Variants in TAFA1 observed in about 807,000 individuals in gnomAD.
TAFA1 encodes the protein TAFA chemokine like family member 1.
TAFA1 carries 4 observed loss-of-function variants against 18.5 expected under a neutral mutation model. That is an observed-to-expected ratio of 0.22 (90% CI 0.11 to 0.49). The LOEUF (loss-of-function observed/expected upper bound fraction) is 0.49. Ranked by LOEUF, TAFA1 falls within the 20% of genes least tolerant of loss-of-function variation. TAFA1 has a pLI of 0.98. For synonymous variants in TAFA1, 56 were observed against 55.2 expected (o/e 1.01, Z -0.06); for missense variants, 147 against 169.0 (o/e 0.87, Z 0.72).
intron 3 of TAFA1, among the ~76,000 whole-genome samples, chr3:68,511,292 A>G (rs1442207552): frequency 1.3e-5 from 2 of 152,154 alleles, no homozygotes; most frequent in Non-Finnish European, 2.9e-5. Context: ...AACAGGTATG[A>G]AAACAAATGT....
chr3:68,476,063 C>G (rs2072089985), intron 3 of TAFA1, among the ~76,000 whole-genome samples: 1 of 152,034 alleles, frequency 6.6e-6, no homozygotes, highest in African/African-American at 2.4e-5. Flanking sequence ...GATATTAGCC[C>G]TTTGTCAGTT....
intron 2 of TAFA1, among the ~76,000 whole-genome samples, chr3:68,221,603 C>A (rs2066731677): frequency 6.6e-6 from 1 of 152,050 alleles, no homozygotes; most frequent in South Asian, 2.1e-4. Context: ...CAGATGGATA[C>A]ACTAGAACAA....
intron 3 of TAFA1, among the ~76,000 whole-genome samples, chr3:68,425,181 G>A (rs769320690): frequency 6.6e-6 from 1 of 151,874 alleles, no homozygotes; most frequent in African/African-American, 2.4e-5. Context: ...AATATTAAAC[G>A]TTTTTGGGGA....
intron 3 of TAFA1, among the ~76,000 whole-genome samples, chr3:68,470,115 C>T (rs533529891): frequency 1.3e-5 from 2 of 152,246 alleles, no homozygotes; most frequent in African/African-American, 4.8e-5. Context: ...GAATAAGTCT[C>T]ACAAAATATG....
chr3:68,343,468 G>A (rs1575792160), intron 2 of TAFA1, among the ~76,000 whole-genome samples: 1 of 152,190 alleles, frequency 6.6e-6, no homozygotes, highest in Admixed American at 6.5e-5. Flanking sequence ...ATGTATGATA[G>A]TAGTCTCTTC....
At chr3:68,110,958 C>G (rs933347338) in intron 2 of TAFA1, among the ~76,000 whole-genome samples, 2 of 152,146 alleles carry the variant, frequency 1.3e-5, no homozygotes, top group African/African-American at 4.8e-5. Flanking sequence ...GCAGACATCA[C>G]AAAGACTTCA....
intron 2 of TAFA1, among the ~76,000 whole-genome samples, chr3:68,142,914 A>AT (rs5849805): frequency 0.83 from 123,723 of 148,430 alleles, 51,458 homozygotes; most frequent in Admixed American, 0.87. Flanking sequence ...GGAAATCGTT[A>AT]TTTTTTTTTT....
intron 2 of TAFA1, among the ~76,000 whole-genome samples, chr3:68,067,988 G>C (rs2064703821): frequency 6.6e-6 from 1 of 152,100 alleles, no homozygotes; most frequent in Non-Finnish European, 1.5e-5. Context: ...AAAAGTTACT[G>C]TCGGCCTCCA....
chr3:68,079,062 T>G (rs1575604948), intron 2 of TAFA1, among the ~76,000 whole-genome samples: 1 of 152,244 alleles, frequency 6.6e-6, no homozygotes, highest in African/African-American at 2.4e-5. Context: ...GTCCAGGAAT[T>G]TATCCACTTC....
chr3:68,516,932 CCTAG>C (rs2072929973), intron 3 of TAFA1, among the ~76,000 whole-genome samples: 1 of 152,100 alleles, frequency 6.6e-6, no homozygotes, highest in African/African-American at 2.4e-5. Flanking sequence ...CGCCACCACA[CCTAG>C]CTAATTTTTG....
intron 2 of TAFA1, among the ~76,000 whole-genome samples, chr3:68,339,194 A>G (rs1373566974): frequency 6.6e-6 from 1 of 152,164 alleles, no homozygotes; most frequent in Non-Finnish European, 1.5e-5. Context: ...CACCATAGTC[A>G]CCCTTCCTTT....
At chr3:68,147,186 C>T (rs1181980679) in intron 2 of TAFA1, among the ~76,000 whole-genome samples, 1 of 151,978 alleles carries the variant, frequency 6.6e-6, no homozygotes, top group Admixed American at 6.6e-5. Context: ...GTTATGGAAA[C>T]TAAGTAATCC....
At chr3:68,433,511 C>T (rs1046108910) in intron 3 of TAFA1, among the ~76,000 whole-genome samples, 3 of 152,090 alleles carry the variant, frequency 2.0e-5, no homozygotes, top group African/African-American at 7.2e-5. Flanking sequence ...CATTTTAATA[C>T]TATCTTTATT....
chr3:68,540,303 C>G (rs944219750), intron 4 of TAFA1, among the ~76,000 whole-genome samples: 2 of 152,078 alleles, frequency 1.3e-5, no homozygotes, highest in Non-Finnish European at 2.9e-5. Flanking sequence ...TAACATGCAT[C>G]TGTCTGTGCC....
intron 2 of TAFA1, among the ~76,000 whole-genome samples, chr3:68,291,658 C>T (rs1258690484): frequency 1.3e-5 from 2 of 151,300 alleles, no homozygotes; most frequent in African/African-American, 4.9e-5. Flanking sequence ...TAAGGTAGTG[C>T]AGAATCAATA....
intron 2 of TAFA1, among the ~76,000 whole-genome samples, chr3:68,018,255 GTC>G (rs1704608948): frequency 6.6e-6 from 1 of 152,168 alleles, no homozygotes; most frequent in Non-Finnish European, 1.5e-5. Context: ...TGGAACACAA[GTC>G]AGCCAATTGT....
At chr3:68,013,918 C>T (rs976112536) in intron 2 of TAFA1, among the ~76,000 whole-genome samples, 2 of 152,138 alleles carry the variant, frequency 1.3e-5, no homozygotes, top group Admixed American at 6.5e-5. Flanking sequence ...CTTTCTTTAA[C>T]GCAGGGAAGG....
At chr3:68,286,214 A>C (rs2068001315) in intron 2 of TAFA1, among the ~76,000 whole-genome samples, 1 of 152,124 alleles carries the variant, frequency 6.6e-6, no homozygotes. Flanking sequence ...CATCTAAAAA[A>C]TAATAATAAT....
intron 2 of TAFA1, among the ~76,000 whole-genome samples, chr3:68,411,022 CT>C (rs1309992209): frequency 1.5e-4 from 23 of 152,274 alleles, no homozygotes; most frequent in African/African-American, 4.6e-4. Flanking sequence ...TAACTCTTCC[CT>C]TTCATTGGGA....
Sources: allele counts gnomAD v4.1 joint callset (sites outside exome capture counted in the v4.1 genomes callset), GRCh38; gene constraint gnomAD v4.1.1; transcripts MANE v1.5; gene names NCBI Gene and HGNC (gene_info 2026-07-23, HGNC 2026-07-21).